Variants in RBMS1 observed in about 807,000 individuals in gnomAD.
RBMS1 encodes RNA-binding motif, single-stranded-interacting protein 1.
RBMS1 carries 17 observed loss-of-function variants against 62.3 expected under a neutral mutation model. That is an observed-to-expected ratio of 0.27 (90% CI 0.19 to 0.41). The LOEUF is 0.41. RBMS1 is among the 10% of genes least tolerant of loss of function. The pLI is 1.00. For synonymous variants in RBMS1, 172 were observed against 170.0 expected (o/e 1.01, Z -0.09); for missense variants, 334 against 504.5 (o/e 0.66, Z 3.24).
chr2:160,283,371 A>C (rs1225700729), intron 9 of RBMS1: 1 of 152,222 alleles, frequency 6.6e-6, no homozygotes, highest in Non-Finnish European at 1.5e-5. Context: ...AGTCAAAGAA[A>C]GGATAGGAAT....
At chr2:160,400,467 T>C (rs1695377342) in intron 1 of RBMS1, among the ~76,000 whole-genome samples, 1 of 151,826 alleles carries the variant, frequency 6.6e-6, no homozygotes, top group Non-Finnish European at 1.5e-5. Context: ...CCAACATAGG[T>C]AGGACAGTCT....
At chr2:160,464,123 C>T (rs1256496418) in intron 1 of RBMS1, among the ~76,000 whole-genome samples, 2 of 152,094 alleles carry the variant, frequency 1.3e-5, no homozygotes, top group Non-Finnish European at 2.9e-5. Context: ...CACCATGCCA[C>T]ACCACGACTC....
chr2:160,456,624 A>T (rs527599049), intron 1 of RBMS1, among the ~76,000 whole-genome samples: 4 of 152,340 alleles, frequency 2.6e-5, no homozygotes, highest in African/African-American at 9.6e-5. Context: ...CTACTGTAAA[A>T]CAGCCTCCAA....
Position 160,308,012 on chromosome 2 carries a change from T to C in RBMS1, c.403-4525A>G, listed in dbSNP as rs545809351. 1.6e-4 allele frequency among the ~76,000 whole-genome samples: 24 copies of C among 152,338 alleles called. No individual in the cohort carries two copies. In the South Asian group the frequency reaches 4.1e-3, roughly 26 times the overall value. On this transcript the variant is annotated intron_variant, in intron 4 of 13. Transcript: ENST00000348849. ...TATATAAAGATGAAAGACTTTAATA[T>C]ATGGCAATATGAATTTTCCTGATTA...
In RBMS1 at chr2:160,323,366, C is replaced by T. The variant is rs1330559451; in HGVS notation, c.252-5139G>A. 3.3e-5 allele frequency among the ~76,000 whole-genome samples: 5 copies of T among 151,898 alleles called. No homozygotes were observed. The East Asian group carries it at 9.7e-4, about 30-fold the overall frequency. On this transcript the variant is annotated intron_variant, in intron 2 of 13. Coordinates refer to ENST00000348849, the MANE Select transcript of RBMS1 (RefSeq NM_016836.4). ...TGGTGCACGCCTGTAGTCCCAGCTA[C>T]TTAGGAAGCTGAGGTGGGAGGATCA...
chr2:160,447,437 C>A (rs1343942007), intron 1 of RBMS1, among the ~76,000 whole-genome samples: 1 of 152,124 alleles, frequency 6.6e-6, no homozygotes, highest in Non-Finnish European at 1.5e-5. Context: ...CTATTTTGTT[C>A]TTCGTGAAAG....
At chr2:160,410,984 C>T (rs1308687626) in intron 1 of RBMS1, among the ~76,000 whole-genome samples, 1 of 152,156 alleles carries the variant, frequency 6.6e-6, no homozygotes, top group African/African-American at 2.4e-5. Context: ...CCTCGTGATC[C>T]GCCCATCTCG....
intron 1 of RBMS1, among the ~76,000 whole-genome samples, chr2:160,382,065 CTA>C (rs948893353): frequency 2.0e-4 from 30 of 152,334 alleles, no homozygotes; most frequent in African/African-American, 7.0e-4. Context: ...TAATCCCACC[CTA>C]TGTCTTAGAG....
At chr2:160,380,160 T>A (rs79363086) in intron 1 of RBMS1, among the ~76,000 whole-genome samples, 1 of 152,024 alleles carries the variant, frequency 6.6e-6, no homozygotes, top group African/African-American at 2.4e-5. Context: ...AATGACACCA[T>A]CTCTCCTCAC....
In RBMS1 at chr2:160,471,691, G is replaced by GTATATATATATATATATATATATATA. The variant is rs368982549; in HGVS notation, c.75+21572_75+21597dup. Among the ~76,000 whole-genome samples, 38 of 65,886 alleles carry GTATATATATATATATATATATATATA rather than the reference G, an allele frequency of 5.8e-4. 3 individuals carry two copies. The highest frequency in any genetic ancestry group is 4.0e-3 in the South Asian group (5 of 1,246). 43.2% of individuals were successfully genotyped at this position (65,886 alleles called of 152,430 possible). A position where few individuals can be genotyped will look rare whatever the true frequency, so the allele number is the denominator to read the frequency against. ...AATCATGTTTGGGAAATCCTTTGGT[G>GTATATATATATATATATATATATATA]TATATATATATATATATATATATAT... On this transcript the variant is annotated intron_variant, in intron 1 of 13. Coordinates refer to ENST00000348849, the MANE Select transcript of RBMS1 (RefSeq NM_016836.4).
At chr2:160,397,105 G>A (rs1413158213) in intron 1 of RBMS1, among the ~76,000 whole-genome samples, 1 of 151,926 alleles carries the variant, frequency 6.6e-6, no homozygotes, top group Non-Finnish European at 1.5e-5. Context: ...CTTACTTATT[G>A]CTCGTGGAGG....
intron 1 of RBMS1, among the ~76,000 whole-genome samples, chr2:160,379,969 T>G (rs62177313): frequency 0.028 from 4,272 of 152,028 alleles, 103 homozygotes; most frequent in Non-Finnish European, 0.043. Flanking sequence ...TACACTTGAG[T>G]TTTCTGATCC....
intron 6 of RBMS1, among the ~76,000 whole-genome samples, chr2:160,288,533 G>C (rs1688523258): frequency 6.6e-6 from 1 of 152,194 alleles, no homozygotes; most frequent in Admixed American, 6.5e-5. Context: ...AACCACTCTG[G>C]AGGGATGGGT....
At chr2:160,420,869 A>C (rs1011513090) in intron 1 of RBMS1, among the ~76,000 whole-genome samples, 6 of 152,242 alleles carry the variant, frequency 3.9e-5, no homozygotes, top group Admixed American at 3.9e-4. Context: ...TGTCAGATAC[A>C]TAAAAATTAT....
chr2:160,385,165 C>G (rs1694501023), intron 1 of RBMS1, among the ~76,000 whole-genome samples: 1 of 152,104 alleles, frequency 6.6e-6, no homozygotes, highest in Admixed American at 6.5e-5. Context: ...AACTACCCAG[C>G]CTTGGATATT....
chr2:160,405,662 C>T (rs1467028272), intron 1 of RBMS1, among the ~76,000 whole-genome samples: 1 of 152,200 alleles, frequency 6.6e-6, no homozygotes. Context: ...TTTTCTGATT[C>T]AGTCAGCCCT....
At chr2:160,443,848 C>T (rs1683525039) in intron 1 of RBMS1, among the ~76,000 whole-genome samples, 1 of 152,144 alleles carries the variant, frequency 6.6e-6, no homozygotes, top group African/African-American at 2.4e-5. Flanking sequence ...GAATATTGGT[C>T]AATGAATTAG....
chr2:160,448,326 G>T (rs901005192), intron 1 of RBMS1, among the ~76,000 whole-genome samples: 7 of 110,102 alleles, frequency 6.4e-5, no homozygotes, highest in Admixed American at 2.6e-4. Context: ...CTCTTTGCAC[G>T]GTCTCCCTCT....
At chr2:160,396,949 T>C (rs1352367972) in intron 1 of RBMS1, among the ~76,000 whole-genome samples, 1 of 152,186 alleles carries the variant, frequency 6.6e-6, no homozygotes, top group Non-Finnish European at 1.5e-5. Flanking sequence ...CTTATCAGAA[T>C]CTCCATGCCC....
Sources: allele counts gnomAD v4.1 joint callset (sites outside exome capture counted in the v4.1 genomes callset), GRCh38; gene constraint gnomAD v4.1.1; transcripts MANE v1.5; gene names NCBI Gene and HGNC (gene_info 2026-07-23, HGNC 2026-07-21).